The following GPAA1 variants were observed in gnomAD, a reference collection of about 807,000 sequenced individuals.
The protein encoded by GPAA1 is glycosylphosphatidylinositol anchor attachment 1, also known as GPI-anchor transamidase component GPAA1.
A neutral mutation model predicts 64.0 loss-of-function variants in GPAA1; 54 were observed. The ratio of observed to expected loss-of-function variants is 0.84; its 90% confidence interval spans 0.68 to 1.06. GPAA1 has a LOEUF of 1.06. Ranked by LOEUF, GPAA1 falls within the 50% of genes least tolerant of loss-of-function variation. GPAA1 has a pLI of 0.00. For missense variants in GPAA1, 780 were observed against 822.3 expected, an observed-to-expected ratio of 0.95 and a Z score of 0.63; for synonymous variants, 393 against 377.3, an observed-to-expected ratio of 1.04 and a Z score of -0.48.
chr8:144,085,042 C>A lies in GPAA1; in HGVS notation c.1165-1C>A. 6.2e-7 allele frequency: 1 copy of A among 1,605,772 alleles called. No individual in the cohort carries two copies. Among genetic ancestry groups the A allele is most frequent in the South Asian group, 1.1e-5 (1 of 89,904 alleles). ...CTTGTTGGGGTCCTTGATTGGGCTA[C>A]GCTCTGGAACTGTGGATGCAGCTGC... On this transcript the variant is annotated splice_acceptor_variant, in intron 8 of 11. Transcript: ENST00000355091. LOFTEE classifies it high-confidence loss of function.
chr8:144,085,940 C>T lies in GPAA1; in HGVS notation c.1681C>T (p.Leu561=). Residue 561 remains leucine, a synonymous_variant, in exon 12 of 12, where the codon CTG becomes TTG. Transcript: ENST00000355091. ...TSPAATLLGS[L]FLWRELQEAP... The stretch of plus-strand genomic sequence containing the variant: ...CCCGGCAGCCACGCTCCTTGGCAGC[C>T]TGTTCCTGTGGCGGGAGCTGCAGGA... The T allele has an allele frequency of 6.2e-7, 1 of 1,610,390 alleles. No homozygotes were observed.
intron 1 of GPAA1, 134 bp from the exon 2 acceptor site, chr8:144,082,990 C>A: frequency 2.2e-6 from 2 of 929,150 alleles, no homozygotes; most frequent in Non-Finnish European, 3.2e-6. Flanking sequence ...GGCTCGGGTC[C>A]GGCGTCCCGA....
chr8:144,084,325 G>A lies in GPAA1; in HGVS notation c.808G>A (p.Gly270Ser), dbSNP rs782134271. 7.4e-6 allele frequency: 12 copies of A among 1,613,308 alleles called. No individual in the cohort carries two copies. In the Admixed American group the frequency reaches 1.7e-4, roughly 22 times the overall value. Residue 270 changes from glycine (G) to serine (S), a missense_variant, in exon 6 of 12, where the codon GGC becomes AGC. Transcript: ENST00000355091. ...AGGGGGCCTGTTGTGCACGCTTCAGGGCAAGGTGGGGCTGCCTGCCTGCCT... is the reference window on the plus strand; with the variant it reads ...AGGGGGCCTGTTGTGCACGCTTCAGAGCAAGGTGGGGCTGCCTGCCTGCCT... ...QKGGLLCTLQ[G>S]KLQPEDWTSL...
chr8:144,085,385 AC>A lies in GPAA1; in HGVS notation c.1360del (p.Gln454SerfsTer13). ...VLPVLGQHVA[T>X]QHFPVAEAEA... ...GCCAGTGCTGGGCCAACACGTTGCC[AC>A]CCAGCACTTCCCAGTGGCAGAGGCT... On this transcript the variant is annotated frameshift_variant, in exon 10 of 12. Transcript: ENST00000355091. LOFTEE classifies it high-confidence loss of function. 2 of 1,608,236 alleles carry A rather than the reference AC, an allele frequency of 1.2e-6. No homozygotes were observed.
At chr8:144,085,540 T>C (rs1554764249) in intron 10 of GPAA1, 33 bp from the exon 11 acceptor site, 2 of 1,608,408 alleles carry the variant, frequency 1.2e-6, no homozygotes, top group Admixed American at 1.7e-5. Flanking sequence ...TGCAGACAGC[T>C]TGTGGGTTGC....
In GPAA1 at chr8:144,083,984, A is replaced by G; in HGVS notation, c.560A>G (p.His187Arg). ...AKDIVFLVTEHDLLGTEAWLE... is the reference protein window; with the variant it reads ...AKDIVFLVTERDLLGTEAWLE... ...GATATCGTCTTCCTGGTAACAGAAC[A>G]TGACCTTCTGGGCACTGAGGCTTGG... Residue 187 changes from histidine (H) to arginine (R), a missense_variant, in exon 5 of 12, where the codon CAT becomes CGT. Transcript: ENST00000355091. 6.2e-7 allele frequency: 1 copy of G among 1,614,110 alleles called. No individual in the cohort carries two copies. Among genetic ancestry groups the G allele is most frequent in the African/African-American group, 1.3e-5 (1 of 75,048 alleles).
chr8:144,083,450 CAG>C lies in GPAA1; in HGVS notation c.319_320del (p.Ser107PhefsTer10), dbSNP rs1835941699. On this transcript the variant is annotated frameshift_variant, in exon 3 of 12. Transcript: ENST00000355091. LOFTEE classifies it high-confidence loss of function. ...GTCAGTAGGGCTGGAGGTCTACACG[CAG>C]AGTTTCTCCCGGAAACTGCCCTTCC... ...MRSVGLEVYTQSFSRKLPFPD... is the reference protein window; with the variant it reads ...MRSVGLEVYTXSFSRKLPFPD... The C allele has an allele frequency of 1.9e-6, 3 of 1,613,904 alleles. No homozygotes were observed. The highest frequency in any genetic ancestry group is 1.1e-5 in the South Asian group (1 of 91,084).
chr8:144,083,005 G>A (rs1835933436), intron 1 of GPAA1, 119 bp from the exon 2 acceptor site: 1 of 985,282 alleles, frequency 1.0e-6, no homozygotes, highest in Non-Finnish European at 1.5e-6. Flanking sequence ...TCCCGATGCA[G>A]GACTCCGGGT....
At chr8:144,083,365 CAG>C (rs1161589733) in intron 2 of GPAA1, 22 bp from the exon 3 acceptor site, 24 of 1,610,366 alleles carry the variant, frequency 1.5e-5, no homozygotes, top group Non-Finnish European at 2.0e-5. Context: ...GAGCTCTGCT[CAG>C]AGGCTCCCTT....
In GPAA1 at chr8:144,082,796, G is replaced by T; in HGVS notation, c.66G>T (p.Ala22=). The part of the protein sequence containing the change: ...ALARLVLRLN[A]PLCVLSYVAG... ...CCCGCCTAGTGCTGCGCCTCAACGC[G>T]CCGTTGTGGTGAGGACAGGGCCCGG... The change falls in exon 1 of 12, where the codon GCG becomes GCT. Residue 22 remains alanine (A), a synonymous_variant. Transcript: ENST00000355091. 1 of 1,464,312 alleles carries T rather than the reference G, an allele frequency of 6.8e-7. No individual in the cohort carries two copies. The highest frequency in any genetic ancestry group is 9.0e-7 in the Non-Finnish European group (1 of 1,114,438). 90.7% of individuals were successfully genotyped at this position (1,464,312 alleles called of 1,614,324 possible). A position where few individuals can be genotyped will look rare whatever the true frequency, so the allele number is the denominator to read the frequency against.
rs1835984434 is a variant in GPAA1 at position 144,085,634 on chromosome 8, T to C, written c.1513T>C (p.Tyr505His). The C allele has an allele frequency of 6.2e-7, 1 of 1,613,834 alleles. No homozygotes were observed. Among genetic ancestry groups the C allele is most frequent in the Non-Finnish European group, 8.5e-7 (1 of 1,179,900 alleles). Reference sequence around the variant, plus strand: ...GGCACTGAAGCTGGTAGCCCTGATCTACCTAGCACTGCAGCTGGGCTGCAT... The same window carrying C: ...GGCACTGAAGCTGGTAGCCCTGATCCACCTAGCACTGCAGCTGGGCTGCAT... ...WMALKLVALI[Y>H]LALQLGCIAL... Residue 505 changes from tyrosine to histidine, a missense_variant, in exon 11 of 12, where the codon TAC becomes CAC. Tyr to His is a moderately conservative substitution (Grantham distance 83). Transcript: ENST00000355091.
chr8:144,083,059 T>C, intron 1 of GPAA1, 65 bp from the exon 2 acceptor site: 1 of 1,456,238 alleles, frequency 6.9e-7, no homozygotes, highest in Non-Finnish European at 9.5e-7. Flanking sequence ...GTGCGGAGGT[T>C]GTGGCCTCGG....
chr8:144,082,727 C>A lies in GPAA1; in HGVS notation c.-4C>A. ...GGTCCGTAGCCGCGCCGCCCTGCCC[C>A]GCCATGGGCCTCCTGTCGGACCCGG... On this transcript the variant is annotated 5_prime_UTR_variant, in exon 1 of 12. Coordinates refer to ENST00000355091, the MANE Select transcript of GPAA1 (RefSeq NM_003801.4). The A allele has an allele frequency of 2.1e-6, 3 of 1,455,912 alleles. No individual in the cohort carries two copies. The highest frequency in any genetic ancestry group is 2.7e-6 in the Non-Finnish European group (3 of 1,110,112). The allele number at this position is 1,455,912 out of a possible 1,614,324, so 90.2% of individuals were successfully genotyped here. A position where few individuals can be genotyped will look rare whatever the true frequency, so the allele number is the denominator to read the frequency against.
Position 144,083,955 on chromosome 8 carries a change from CA to C in GPAA1, c.534del (p.Asp179IlefsTer6). The C allele has an allele frequency of 6.2e-7, 1 of 1,613,982 alleles. No individual in the cohort carries two copies. The highest frequency in any genetic ancestry group is 1.1e-5 in the South Asian group (1 of 91,064). On this transcript the variant is annotated frameshift_variant, in exon 5 of 12. Coordinates refer to ENST00000355091, the MANE Select transcript of GPAA1 (RefSeq NM_003801.4). LOFTEE classifies it high-confidence loss of function. The part of the protein sequence containing the change: ...AHFRGQIYWA[K>X]DIVFLVTEHD... ...GGCCTCCAGGGCAGATTTATTGGGCCAAAGATATCGTCTTCCTGGTAACAGA... is the reference window on the plus strand; with the variant it reads ...GGCCTCCAGGGCAGATTTATTGGGCCAAGATATCGTCTTCCTGGTAACAGA...
chr8:144,084,744 A>G lies in GPAA1; in HGVS notation c.1033A>G (p.Lys345Glu). ...CAGGGCTTTGGAGGGCATGTTCCGC[A>G]AGCTCAACCACCTCCTGGAGCGCCT... ...VGKALEGMFR[K>E]LNHLLERLHQ... The change falls in exon 8 of 12, where the codon AAG becomes GAG. Residue 345 changes from lysine to glutamate, a missense_variant. Coordinates refer to ENST00000355091, the MANE Select transcript of GPAA1 (RefSeq NM_003801.4). 6.2e-7 allele frequency: 1 copy of G among 1,613,816 alleles called. No individual in the cohort carries two copies. The highest frequency in any genetic ancestry group is 8.5e-7 in the Non-Finnish European group (1 of 1,179,976).
rs782176482 is a variant in GPAA1, at chr8:144,085,386, C to T, written c.1358C>T (p.Thr453Ile). Residue 453 changes from threonine to isoleucine, a missense_variant, in exon 10 of 12, where the codon ACC becomes ATC. Transcript: ENST00000355091. Reference sequence around the variant, plus strand: ...CCAGTGCTGGGCCAACACGTTGCCACCCAGCACTTCCCAGTGGCAGAGGCT... The same window carrying T: ...CCAGTGCTGGGCCAACACGTTGCCATCCAGCACTTCCCAGTGGCAGAGGCT... ...VLPVLGQHVA[T>I]QHFPVAEAEA... 1 of 1,607,792 alleles carries T rather than the reference C, an allele frequency of 6.2e-7. No homozygotes were observed. Among genetic ancestry groups the T allele is most frequent in the East Asian group, 2.2e-5 (1 of 44,878 alleles).
Position 144,086,147 on chromosome 8 carries a change from A to G in GPAA1, c.*22A>G, listed in dbSNP as rs1554764385. 6.2e-7 allele frequency: 1 copy of G among 1,603,514 alleles called. No homozygotes were observed. The highest frequency in any genetic ancestry group is 1.1e-5 in the South Asian group (1 of 90,930). ...GTGAGATCTGCCTGTCCGGGCTGGG[A>G]CAGAGACTCCCCAAGGACCCCATTC... is the stretch of plus-strand genomic sequence containing the variant. On this transcript the variant is annotated 3_prime_UTR_variant, in exon 12 of 12. Coordinates refer to ENST00000355091, the MANE Select transcript of GPAA1 (RefSeq NM_003801.4).
chr8:144,085,337 A>G lies in GPAA1; in HGVS notation c.1309A>G (p.Met437Val), dbSNP rs1554764199. ...LVAPLLISQA[M>V]GLALYVLPVL... The stretch of plus-strand genomic sequence containing the variant: ...GGCACCTCTGCTGATCTCACAGGCC[A>G]TGGGACTGGCCCTCTATGTCCTGCC... Residue 437 changes from methionine to valine, a missense_variant, in exon 10 of 12, where the codon ATG (methionine) becomes GTG (valine). By Grantham distance (21) the Met-to-Val change is conservative. Transcript: ENST00000355091. The G allele has an allele frequency of 5.6e-6, 9 of 1,610,636 alleles. No homozygotes were observed. Among genetic ancestry groups the G allele is most frequent in the South Asian group, 1.1e-5 (1 of 90,946 alleles).
chr8:144,082,860 GC>G, intron 1 of GPAA1, 56 bp downstream of exon 1: 2 of 1,285,042 alleles, frequency 1.6e-6, no homozygotes, highest in Non-Finnish European at 2.0e-6. Context: ...CGCGCCGGCG[GC>G]CCCATGCGCG....
Sources: gnomAD v4.1 joint callset for allele counts on GRCh38, gnomAD v4.1.1 for gene constraint, MANE v1.5 for transcripts, NCBI Gene and HGNC (gene_info 2026-07-23, HGNC 2026-07-21) for gene names.